Variants in RNF150 observed in about 807,000 individuals in gnomAD.
The protein encoded by RNF150 is ring finger protein 150.
In RNF150, 24 loss-of-function variants were observed where a neutral mutation model predicts 39.3. The observed-to-expected ratio is 0.61, with a 90% CI of 0.44 to 0.86. The LOEUF is 0.86. Ranked by LOEUF, RNF150 falls within the 40% of genes least tolerant of loss-of-function variation. The pLI, the probability that RNF150 is intolerant of heterozygous loss-of-function variation, is 0.00. For synonymous variants in RNF150, 255 were observed against 227.3 expected (o/e 1.12, Z -1.10); for missense variants, 502 against 587.8 (o/e 0.85, Z 1.51).
chr4:141,032,252 G>C (rs778121249), intron 1 of RNF150, among the ~76,000 whole-genome samples: 4 of 152,098 alleles, frequency 2.6e-5, no homozygotes, highest in Non-Finnish European at 5.9e-5. Flanking sequence ...TGGAAGCAGA[G>C]AGTCGAATGA....
At chr4:141,045,520 T>A (rs1736541448) in intron 1 of RNF150, among the ~76,000 whole-genome samples, 1 of 151,994 alleles carries the variant, frequency 6.6e-6, no homozygotes, top group African/African-American at 2.4e-5. Context: ...AGGAACACAT[T>A]CTTTTTTTAT....
At position 140,949,368 on chromosome 4, in the gene RNF150, C is replaced by A; in HGVS notation, c.740G>T (p.Arg247Leu). Residue 247 changes from arginine (R) to leucine (L), a missense_variant, in exon 3 of 7, where the codon CGA (arginine) becomes CTA (leucine). Arg to Leu is a moderately radical substitution (Grantham distance 102). Coordinates refer to ENST00000515673, the MANE Select transcript of RNF150 (RefSeq NM_020724.2). Reference sequence around the variant, plus strand: ...GGCTTTCTTTGCTGCATCCCCCAGTCGGCGCTGAAAAGCCAAAACGTGCTT... The same window carrying A: ...GGCTTTCTTTGCTGCATCCCCCAGTAGGCGCTGAAAAGCCAAAACGTGCTT... ...YANARDRNQR[R>L]LGDAAKKAIS... 6.2e-7 allele frequency: 1 copy of A among 1,612,708 alleles called. No individual in the cohort carries two copies. Among genetic ancestry groups the A allele is most frequent in the Non-Finnish European group, 8.5e-7 (1 of 1,179,222 alleles).
At chr4:141,067,968 G>C (rs1252623945) in intron 1 of RNF150, among the ~76,000 whole-genome samples, 3 of 147,342 alleles carry the variant, frequency 2.0e-5, no homozygotes, top group Non-Finnish European at 4.5e-5. Context: ...TTTTTTTTGA[G>C]ACAGAGTCAC....
intron 6 of RNF150, among the ~76,000 whole-genome samples, chr4:140,885,793 G>A (rs188139276): frequency 5.3e-5 from 8 of 152,060 alleles, no homozygotes; most frequent in Admixed American, 2.6e-4. Flanking sequence ...AGTAGAGATG[G>A]GATTTTTGCC....
intron 1 of RNF150, among the ~76,000 whole-genome samples, chr4:140,990,687 T>C (rs373826014): frequency 1.3e-5 from 2 of 152,250 alleles, no homozygotes; most frequent in African/African-American, 2.4e-5. Context: ...TATGGCTACA[T>C]AGTATTCCAT....
At chr4:140,900,244 TTACTGGCAGGGCCACTATC>T (rs1730141983) in intron 6 of RNF150, among the ~76,000 whole-genome samples, 1 of 152,118 alleles carries the variant, frequency 6.6e-6, no homozygotes, top group African/African-American at 2.4e-5. Flanking sequence ...AACACTAAGG[TTACTGGCAGGGCCACTATC>T]TGTTGAATAT....
In RNF150 at chr4:141,132,284, C is replaced by T. The variant is rs999114714; in HGVS notation, c.484+41G>A. ...GCTGGATCCCTCTAGGCACCTCCGT[C>T]CCCGCCGGCTCCCCTCCCCCGCGCC... On this transcript the variant is annotated intron_variant, in intron 1 of 6. Coordinates refer to ENST00000515673, the MANE Select transcript of RNF150 (RefSeq NM_020724.2). The surrounding 1 kb of genome is among the most constrained non-coding windows in gnomAD (Gnocchi z 4.9). 1 of 1,550,870 alleles carries T rather than the reference C, an allele frequency of 6.4e-7. No individual in the cohort carries two copies. The highest frequency in any genetic ancestry group is 1.4e-5 in the African/African-American group (1 of 73,330).
At chr4:141,067,940 G>C (rs1256154216) in intron 1 of RNF150, among the ~76,000 whole-genome samples, 1 of 148,154 alleles carries the variant, frequency 6.7e-6, no homozygotes, top group East Asian at 2.0e-4. Flanking sequence ...CACTGGAACA[G>C]AGTCAAGATA....
intron 1 of RNF150, among the ~76,000 whole-genome samples, chr4:141,077,696 T>A (rs1017981205): frequency 6.6e-6 from 1 of 152,220 alleles, no homozygotes; most frequent in Admixed American, 6.5e-5. Flanking sequence ...CTTCTTTTCC[T>A]TATGTTTCCT....
chr4:140,951,896 A>G (rs1161129892), intron 2 of RNF150, among the ~76,000 whole-genome samples: 1 of 152,134 alleles, frequency 6.6e-6, no homozygotes, highest in East Asian at 1.9e-4. Context: ...GGCATTATAT[A>G]ATATTGCACC....
chr4:141,073,468 C>A (rs1578697564), intron 1 of RNF150, among the ~76,000 whole-genome samples: 1 of 152,180 alleles, frequency 6.6e-6, no homozygotes, highest in Non-Finnish European at 1.5e-5. Context: ...GCAATAATCT[C>A]CCCGCTTCCA....
At chr4:140,955,119 A>T (rs911763295) in intron 2 of RNF150, among the ~76,000 whole-genome samples, 2 of 152,198 alleles carry the variant, frequency 1.3e-5, no homozygotes, top group African/African-American at 4.8e-5. Context: ...TTCTTCGTGC[A>T]CTCTAATACA....
chr4:140,916,586 G>T (rs149188849), intron 5 of RNF150, among the ~76,000 whole-genome samples: 3 of 149,736 alleles, frequency 2.0e-5, no homozygotes, highest in African/African-American at 7.5e-5. Context: ...TGAAAGTGAC[G>T]GGGAGAATGG....
chr4:140,881,883 TA>T (rs138494545), intron 6 of RNF150, among the ~76,000 whole-genome samples: 2 of 151,892 alleles, frequency 1.3e-5, no homozygotes, highest in Non-Finnish European at 2.9e-5. Flanking sequence ...TCCATCTCTT[TA>T]AAAAAAGAGG....
chr4:140,902,803 C>T lies in RNF150; in HGVS notation c.1198+8341G>A, dbSNP rs939935952. Among the ~76,000 whole-genome samples the T allele has an allele frequency of 3.3e-5, 5 of 152,172 alleles. No homozygotes were observed. In the South Asian group the frequency reaches 6.2e-4, roughly 19 times the overall value. ...AAGGAGATCAGGCTACAGCTGTGGA[C>T]GGAGGCCAACTGTGCTGCTGTTCCA... On this transcript the variant is annotated intron_variant, in intron 6 of 6. Coordinates refer to ENST00000515673, the MANE Select transcript of RNF150 (RefSeq NM_020724.2).
chr4:141,079,844 T>C lies in RNF150; in HGVS notation c.484+52481A>G, dbSNP rs182160387. Among the ~76,000 whole-genome samples the C allele has an allele frequency of 1.1e-3, 164 of 152,338 alleles. 2 individuals carry two copies. Among genetic ancestry groups the C allele is most frequent in the Non-Finnish European group, 1.4e-3 (98 of 68,032 alleles). On this transcript the variant is annotated intron_variant, in intron 1 of 6. Transcript: ENST00000515673. ...AACTCCAGGCCCTGGAGCCAGAACG[T>C]CTGTGGGACTTGGGGCAAATTGCTA... is the stretch of plus-strand genomic sequence containing the variant.
chr4:141,018,479 C>T (rs1376948002), intron 1 of RNF150, among the ~76,000 whole-genome samples: 2 of 152,140 alleles, frequency 1.3e-5, no homozygotes, highest in East Asian at 3.9e-4. Flanking sequence ...CACTGTGGCA[C>T]TTGAAGCCAT....
intron 1 of RNF150, among the ~76,000 whole-genome samples, chr4:141,058,361 C>A (rs79439644): frequency 6.6e-6 from 1 of 152,038 alleles, no homozygotes; most frequent in Non-Finnish European, 1.5e-5. Flanking sequence ...AAATCCCTTA[C>A]CCTTAATCTT....
At chr4:141,172,975 A>C (rs905525203) in intron 1 of RNF150, among the ~76,000 whole-genome samples, 8 of 152,264 alleles carry the variant, frequency 5.3e-5, no homozygotes, top group South Asian at 2.1e-4. Context: ...GCAGTGAGCC[A>C]AGATCGCGGC....
Sources: gnomAD v4.1 joint callset for allele counts (sites outside exome capture counted in the v4.1 genomes callset) on GRCh38, gnomAD v4.1.1 for gene constraint, Gnocchi (gnomAD v3.1) non-coding constraint, MANE v1.5 for transcripts, NCBI Gene and HGNC (gene_info 2026-07-23, HGNC 2026-07-21) for gene names.